The following OCA2 variants were observed in gnomAD, a reference collection of about 807,000 sequenced individuals.
OCA2 encodes the protein P protein.
OCA2 carries 77 observed loss-of-function variants against 100.2 expected under a neutral mutation model. The ratio of observed to expected loss-of-function variants is 0.77; its 90% CI spans 0.64 to 0.93. OCA2 has a LOEUF of 0.93. Ranked by LOEUF, OCA2 falls within the 40% of genes least tolerant of loss-of-function variation. The probability of loss-of-function intolerance (pLI) is 0.00; values close to 1 mark genes in which losing one functional copy is unlikely to be tolerated. For missense variants in OCA2, 1,062 were observed against 1,089.1 expected, an observed-to-expected ratio of 0.98 and a Z score of 0.35; for synonymous variants, 432 against 439.2, an observed-to-expected ratio of 0.98 and a Z score of 0.21.
chr15:27,918,510 T>C (rs1442297433), intron 19 of OCA2, among the ~76,000 whole-genome samples: 1 of 152,218 alleles, frequency 6.6e-6, no homozygotes, highest in Non-Finnish European at 1.5e-5. Context: ...TGTTGGTTTC[T>C]GCACAAAAAG....
intron 2 of OCA2, among the ~76,000 whole-genome samples, chr15:28,079,135 A>T (rs577159477): frequency 1.1e-4 from 17 of 152,346 alleles, no homozygotes; most frequent in Non-Finnish European, 2.2e-4. Context: ...TATTTGCAGC[A>T]TCTCATAGTG....
At chr15:27,964,069 T>C (rs2040488042) in intron 15 of OCA2, among the ~76,000 whole-genome samples, 1 of 152,234 alleles carries the variant, frequency 6.6e-6, no homozygotes, top group South Asian at 2.1e-4. Flanking sequence ...ATAACTTGAA[T>C]AGCCATCCCT....
intron 19 of OCA2, among the ~76,000 whole-genome samples, chr15:27,876,153 A>G: frequency 6.6e-6 from 1 of 152,056 alleles, no homozygotes; most frequent in East Asian, 1.9e-4. Flanking sequence ...AGGTTTTTCA[A>G]AAATGCCTTT....
At chr15:27,907,740 T>C (rs2038232134) in intron 19 of OCA2, among the ~76,000 whole-genome samples, 1 of 152,124 alleles carries the variant, frequency 6.6e-6, no homozygotes, top group African/African-American at 2.4e-5. Flanking sequence ...TCTGTGAAAA[T>C]AAATTTTAAA....
rs11631314 is a variant in OCA2 at position 28,042,491 on chromosome 15, T to A, written c.228-10328A>T. 2.6e-3 allele frequency among the ~76,000 whole-genome samples: 312 copies of A among 120,868 alleles called. 2 individuals are homozygous for A. The highest frequency in any genetic ancestry group is 4.0e-3 in the Non-Finnish European group (225 of 56,168). The allele number at this position is 120,868 out of a possible 152,430, so 79.3% of individuals were successfully genotyped here. On this transcript the variant is annotated intron_variant, in intron 2 of 23. Coordinates refer to ENST00000354638, the MANE Select transcript of OCA2 (RefSeq NM_000275.3). ...AAAATACAAAAAAAAAAAAAAAAAA[T>A]TAGCTGGGCGTGGTGATACACACCT...
downstream of OCA2, among the ~76,000 whole-genome samples, chr15:27,752,893 A>C (rs1193145852): frequency 2.8e-5 from 4 of 142,536 alleles, no homozygotes; most frequent in Non-Finnish European, 6.0e-5. Flanking sequence ...GCACTTACCC[A>C]ATGTGGGCAG....
intron 3 of OCA2, among the ~76,000 whole-genome samples, chr15:28,029,347 GGT>G (rs1397729058): frequency 6.6e-6 from 1 of 152,072 alleles, no homozygotes; most frequent in South Asian, 2.1e-4. Flanking sequence ...AAAATGCTCA[GGT>G]GTGTGAGAAA....
At chr15:27,927,620 T>A (rs1033937113) in intron 18 of OCA2, among the ~76,000 whole-genome samples, 4 of 152,166 alleles carry the variant, frequency 2.6e-5, no homozygotes, top group African/African-American at 9.7e-5. Flanking sequence ...AAAATAATTT[T>A]ATCATTTTAC....
chr15:27,747,533 G>A, the OCA2 span, among the ~76,000 whole-genome samples: 1 of 152,144 alleles, frequency 6.6e-6, no homozygotes, highest in African/African-American at 2.4e-5. Flanking sequence ...TGGGCAGGCC[G>A]GCCTGGAACT....
At chr15:28,027,803 G>A in intron 4 of OCA2, 68 bp downstream of exon 4, 2 of 1,501,262 alleles carry the variant, frequency 1.3e-6, no homozygotes, top group South Asian at 2.3e-5. Flanking sequence ...TTGAAAGATG[G>A]AGGGGCCATG....
At chr15:27,796,071 A>G (rs2033317312) in intron 23 of OCA2, among the ~76,000 whole-genome samples, 1 of 152,228 alleles carries the variant, frequency 6.6e-6, no homozygotes, top group African/African-American at 2.4e-5. Context: ...ACGTACTCCC[A>G]GAAGGGAAAA....
intron 19 of OCA2, among the ~76,000 whole-genome samples, chr15:27,912,332 C>T (rs1205838179): frequency 4.6e-5 from 7 of 152,126 alleles, no homozygotes; most frequent in Non-Finnish European, 8.8e-5. Context: ...AATGAGAAAT[C>T]TTTTGAGAGG....
At chr15:27,927,702 T>C (rs1421536886) in intron 18 of OCA2, among the ~76,000 whole-genome samples, 1 of 152,168 alleles carries the variant, frequency 6.6e-6, no homozygotes, top group Non-Finnish European at 1.5e-5. Flanking sequence ...CCTTTCTGAT[T>C]TTAGACATTC....
At chr15:28,028,442 G>A (rs535246780) in intron 3 of OCA2, among the ~76,000 whole-genome samples, 4 of 152,252 alleles carry the variant, frequency 2.6e-5, no homozygotes, top group African/African-American at 9.6e-5. Context: ...TGTCCAGGGT[G>A]AGTGGTGTCA....
At chr15:27,865,345 T>G (rs2151470442) in intron 21 of OCA2, among the ~76,000 whole-genome samples, 1 of 152,286 alleles carries the variant, frequency 6.6e-6, no homozygotes, top group South Asian at 2.1e-4. Flanking sequence ...TCTATTCATG[T>G]TAAAATCCCC....
In OCA2 at chr15:27,824,602, C is replaced by CTCTCTCTCTCTCTCTCTCTCTA; in HGVS notation, c.2432+20356_2432+20357insTAGAGAGAGAGAGAGAGAGAGA. On this transcript the variant is annotated intron_variant, in intron 23 of 23. Coordinates refer to ENST00000354638, the MANE Select transcript of OCA2 (RefSeq NM_000275.3). ...TTTCTCTCTCTCTCTCTCTCTCTCTCTATATATATATATATATATAATATA... is the reference window on the plus strand; with the variant it reads ...TTTCTCTCTCTCTCTCTCTCTCTCTCTCTCTCTCTCTCTCTCTCTCTATATATATATATATATATATAATATA... Among the ~76,000 whole-genome samples, 64 of 47,590 alleles carry CTCTCTCTCTCTCTCTCTCTCTA rather than the reference C, an allele frequency of 1.3e-3. 3 individuals are homozygous for CTCTCTCTCTCTCTCTCTCTCTA. The highest frequency in any genetic ancestry group is 1.6e-3 in the Non-Finnish European group (52 of 31,802). The allele number at this position is 47,590 out of a possible 152,430, so 31.2% of individuals were successfully genotyped here.
chr15:27,963,944 A>T (rs2040484787), intron 15 of OCA2, among the ~76,000 whole-genome samples: 2 of 152,158 alleles, frequency 1.3e-5, no homozygotes, highest in South Asian at 4.1e-4. Context: ...AGCCCTTAAA[A>T]GGATAATGAA....
the OCA2 span, among the ~76,000 whole-genome samples, chr15:27,733,586 A>G: frequency 6.6e-6 from 1 of 152,204 alleles, no homozygotes; most frequent in Non-Finnish European, 1.5e-5. Flanking sequence ...ATAAACTGAC[A>G]GGGTTAGTGT....
At chr15:27,768,697 T>G (rs2031476765) in intron 23 of OCA2, among the ~76,000 whole-genome samples, 1 of 152,194 alleles carries the variant, frequency 6.6e-6, no homozygotes, top group Non-Finnish European at 1.5e-5. Flanking sequence ...TGAATCTTGT[T>G]TTTTAGGGTT....
Sources: gnomAD v4.1 joint callset for allele counts (sites outside exome capture counted in the v4.1 genomes callset) on GRCh38, gnomAD v4.1.1 for gene constraint, MANE v1.5 for transcripts, NCBI Gene and HGNC (gene_info 2026-07-23, HGNC 2026-07-21) for gene names.